SIK2: variants seen among roughly 807,000 people sequenced by gnomAD.
SIK2 encodes serine/threonine-protein kinase SIK2.
Under a neutral mutation model 103.2 loss-of-function variants are expected in SIK2, and 29 were observed. That is an observed-to-expected ratio of 0.28 (90% confidence interval 0.21 to 0.38). SIK2 has a LOEUF of 0.38. Among genes scored for constraint, SIK2 ranks in the 10% least tolerant of loss-of-function variants. SIK2 has a pLI of 1.00. For synonymous variants in SIK2, 412 were observed against 446.1 expected, an observed-to-expected ratio of 0.92 and a Z score of 0.96; for missense variants, 879 against 1,171.0, an observed-to-expected ratio of 0.75 and a Z score of 3.64.
At chr11:111,704,910 C>G (rs544259393) in intron 7 of SIK2, 77 bp from the exon 8 acceptor site, 4 of 1,401,014 alleles carry the variant, frequency 2.9e-6, no homozygotes, top group Non-Finnish European at 3.8e-6. Context: ...TTTCTTTCCT[C>G]TTTTTTTTTA....
intron 3 of SIK2, among the ~76,000 whole-genome samples, chr11:111,644,655 A>G (rs956547270): frequency 1.3e-5 from 2 of 152,234 alleles, no homozygotes; most frequent in Non-Finnish European, 2.9e-5. Flanking sequence ...GAGGAAAACT[A>G]AAAAGCTCAG....
intron 8 of SIK2, among the ~76,000 whole-genome samples, chr11:111,709,457 C>T (rs563956540): frequency 2.0e-5 from 3 of 152,214 alleles, no homozygotes; most frequent in East Asian, 1.9e-4. Flanking sequence ...TAGGAAAGAA[C>T]GTTATTTTCA....
At chr11:111,691,842 G>A (rs781630131) in intron 4 of SIK2, among the ~76,000 whole-genome samples, 1 of 152,188 alleles carries the variant, frequency 6.6e-6, no homozygotes, top group Non-Finnish European at 1.5e-5. Flanking sequence ...AACAGCAGCA[G>A]TGACAAAAAG....
intron 3 of SIK2, among the ~76,000 whole-genome samples, chr11:111,648,984 TCTC>T (rs1942294242): frequency 6.6e-6 from 1 of 152,132 alleles, no homozygotes; most frequent in Non-Finnish European, 1.5e-5. Flanking sequence ...CCAATTATGG[TCTC>T]CTGCTCAATG....
chr11:111,713,598 C>T (rs1265413570), intron 9 of SIK2, among the ~76,000 whole-genome samples: 2 of 152,136 alleles, frequency 1.3e-5, no homozygotes, highest in Non-Finnish European at 2.9e-5. Context: ...TCTGCCTCTC[C>T]AGAGTCCACT....
intron 3 of SIK2, among the ~76,000 whole-genome samples, chr11:111,643,457 C>A (rs1441697373): frequency 6.6e-6 from 1 of 151,198 alleles, no homozygotes; most frequent in Admixed American, 6.6e-5. Context: ...CATTGTATCC[C>A]AGAACTTAAA....
At chr11:111,627,869 C>G (rs140278491) in intron 3 of SIK2, among the ~76,000 whole-genome samples, 26 of 152,320 alleles carry the variant, frequency 1.7e-4, no homozygotes, top group Non-Finnish European at 2.9e-4. Flanking sequence ...TTAAATCCTT[C>G]TGTTTCCCCA....
chr11:111,726,003 C>T lies in SIK2; in HGVS notation c.*1874C>T, dbSNP rs747586240. Reference sequence around the variant, plus strand: ...CTTCTGGGAGTTGTTTATTCCTGCTCGTGCTTAAGATTGATGATTTCGTGA... The same window carrying T: ...CTTCTGGGAGTTGTTTATTCCTGCTTGTGCTTAAGATTGATGATTTCGTGA... On this transcript the variant is annotated 3_prime_UTR_variant, in exon 15 of 15. Coordinates refer to ENST00000304987, the MANE Select transcript of SIK2 (RefSeq NM_015191.3). 6.6e-6 allele frequency: 1 copy of T among 152,118 alleles called. No homozygotes were observed. The highest frequency in any genetic ancestry group is 1.5e-5 in the Non-Finnish European group (1 of 68,026). The allele number at this position is 152,118 out of a possible 1,614,324, so 9.4% of individuals were successfully genotyped here.
chr11:111,618,627 A>C (rs1941839803), intron 2 of SIK2, among the ~76,000 whole-genome samples: 1 of 152,212 alleles, frequency 6.6e-6, no homozygotes, highest in Admixed American at 6.5e-5. Context: ...TGCACCTGTG[A>C]ATAGCCACTG....
Position 111,725,004 on chromosome 11 carries a change from G to T in SIK2, c.*875G>T, listed in dbSNP as rs945069283. 2 of 152,504 alleles carry T rather than the reference G, an allele frequency of 1.3e-5. No individual in the cohort carries two copies. The highest frequency in any genetic ancestry group is 1.3e-4 in the Admixed American group (2 of 15,272). The allele number at this position is 152,504 out of a possible 1,614,324, so 9.4% of individuals were successfully genotyped here. On this transcript the variant is annotated 3_prime_UTR_variant, in exon 15 of 15. Coordinates refer to ENST00000304987, the MANE Select transcript of SIK2 (RefSeq NM_015191.3). ...TGGCTTGCGGGCAGTCGGTCTCCAG[G>T]GTACCTGTTGTCTCTTTTCCGATGT...
At chr11:111,641,474 G>A (rs1041234483) in intron 3 of SIK2, among the ~76,000 whole-genome samples, 4 of 152,074 alleles carry the variant, frequency 2.6e-5, no homozygotes, top group African/African-American at 9.7e-5. Flanking sequence ...TATCTAATTA[G>A]TTGCTTAGTC....
rs1450691023 is a variant in SIK2, at chr11:111,712,384, A to G, written c.1266+9A>G. The G allele has an allele frequency of 2.5e-6, 4 of 1,611,426 alleles. No homozygotes were observed. The highest frequency in any genetic ancestry group is 1.7e-5 in the Admixed American group (1 of 59,812). ...GTGTGGACACTCCAAAGGTACGGCT[A>G]TGTTTGAGAGTCTCAGAACTGGCAG... On this transcript the variant is annotated intron_variant, in intron 9 of 14. Coordinates refer to ENST00000304987, the MANE Select transcript of SIK2 (RefSeq NM_015191.3).
At chr11:111,695,912 G>A (rs768194625) in intron 4 of SIK2, among the ~76,000 whole-genome samples, 26 of 152,186 alleles carry the variant, frequency 1.7e-4, no homozygotes, top group Admixed American at 2.6e-4. Flanking sequence ...ATTTAGTGAT[G>A]ACAGTGATAA....
At chr11:111,649,905 A>C (rs1170161057) in intron 3 of SIK2, among the ~76,000 whole-genome samples, 2 of 152,156 alleles carry the variant, frequency 1.3e-5, no homozygotes, top group African/African-American at 2.4e-5. Flanking sequence ...AGGAGCTCTC[A>C]TAAGTATTTG....
At chr11:111,681,368 A>G (rs1408616686) in intron 3 of SIK2, among the ~76,000 whole-genome samples, 3 of 152,210 alleles carry the variant, frequency 2.0e-5, no homozygotes, top group Non-Finnish European at 4.4e-5. Flanking sequence ...GCACCCTGAG[A>G]CAGGCACTAA....
At position 111,726,425 on chromosome 11, in the gene SIK2, T is replaced by A. The variant is rs1943968319; in HGVS notation, c.*2296T>A. 6.5e-6 allele frequency: 1 copy of A among 153,544 alleles called. No individual in the cohort carries two copies. Among genetic ancestry groups the A allele is most frequent in the Admixed American group, 6.4e-5 (1 of 15,576 alleles). 9.5% of individuals were successfully genotyped at this position (153,544 alleles called of 1,614,324 possible). A position where few individuals can be genotyped will look rare whatever the true frequency, so the allele number is the denominator to read the frequency against. On this transcript the variant is annotated 3_prime_UTR_variant, in exon 15 of 15. Coordinates refer to ENST00000304987, the MANE Select transcript of SIK2 (RefSeq NM_015191.3). ...AGGTGCCCTACAGCAGCCAGGCCTA[T>A]CAGGATCCGTCACACACGGCAGCGG...
At chr11:111,622,272 T>C (rs1246303639) in intron 3 of SIK2, among the ~76,000 whole-genome samples, 2 of 88,010 alleles carry the variant, frequency 2.3e-5, no homozygotes, top group Middle Eastern at 0.015. Flanking sequence ...TTTTTTTTTT[T>C]TGAGGCAGAG....
rs535609982 is a variant in SIK2 at position 111,723,765 on chromosome 11, C to G, written c.2417C>G (p.Ser806Cys). ...CAGCTTCAGCCCCTGCCCTCCACTT[C>G]CGGTCCCCGGGCTGCTCCTCCTCTG... ...EMQLQPLPST[S>C]GPRAAPPLPT... The change falls in exon 15 of 15, where the codon TCC becomes TGC. Residue 806 changes from serine to cysteine, a missense_variant. Coordinates refer to ENST00000304987, the MANE Select transcript of SIK2 (RefSeq NM_015191.3). 6.2e-7 allele frequency: 1 copy of G among 1,614,104 alleles called. No individual in the cohort carries two copies. The highest frequency in any genetic ancestry group is 1.3e-5 in the African/African-American group (1 of 75,070).
chr11:111,630,189 G>T (rs1208589281), intron 3 of SIK2, among the ~76,000 whole-genome samples: 1 of 152,112 alleles, frequency 6.6e-6, no homozygotes, highest in Non-Finnish European at 1.5e-5. Flanking sequence ...ACATCTTACA[G>T]ACATGTGCTA....
Sources: allele counts gnomAD v4.1 joint callset (sites outside exome capture counted in the v4.1 genomes callset), GRCh38; gene constraint gnomAD v4.1.1; transcripts MANE v1.5; gene names NCBI Gene and HGNC (gene_info 2026-07-23, HGNC 2026-07-21).